Variants in REEP1 observed in about 807,000 individuals in gnomAD.
REEP1 encodes receptor accessory protein 1.
A neutral mutation model predicts 40.3 loss-of-function variants in REEP1; 22 were observed. The ratio of observed to expected loss-of-function variants is 0.55; its 90% confidence interval spans 0.39 to 0.78. REEP1 has a LOEUF of 0.78. REEP1 is among the 30% of genes least tolerant of loss of function. The pLI is 0.00. For missense variants in REEP1, 280 were observed against 361.1 expected, an observed-to-expected ratio of 0.78 and a Z score of 1.82; for synonymous variants, 116 against 139.2, an observed-to-expected ratio of 0.83 and a Z score of 1.17.
intron 5 of REEP1, among the ~76,000 whole-genome samples, chr2:86,235,522 A>G (rs1282129719): frequency 6.6e-6 from 1 of 152,208 alleles, no homozygotes; most frequent in Non-Finnish European, 1.5e-5. Context: ...ATTGAAAGCT[A>G]TTGAAAGCTG....
intron 1 of REEP1, among the ~76,000 whole-genome samples, chr2:86,310,297 ATAATAC>A (rs1267780943): frequency 6.6e-6 from 1 of 152,190 alleles, no homozygotes; most frequent in East Asian, 1.9e-4. Context: ...CCCCATAATT[ATAATAC>A]TGCATTTTTA....
rs4832036 is a variant in REEP1 at position 86,324,179 on chromosome 2, T to A, written c.32+13300A>T. ...TGTCTATTGCATTAATATTAAGAAC[T>A]TCTGATTATCAATGTAGACTATAAA... On this transcript the variant is annotated intron_variant, in intron 1 of 8. Transcript: ENST00000538924. Among the ~76,000 whole-genome samples, 4 of 151,846 alleles carry A rather than the reference T, an allele frequency of 2.6e-5. No homozygotes were observed. In the South Asian group the frequency reaches 8.3e-4, roughly 32 times the overall value.
At chr2:86,255,036 T>G (rs1676478975) in intron 3 of REEP1, 1 of 482,196 alleles carries the variant, frequency 2.1e-6, no homozygotes, top group African/African-American at 1.9e-5. Flanking sequence ...TGTTTTCTTT[T>G]GTTGCCAAAG....
chr2:86,302,815 T>C (rs1679311658), intron 1 of REEP1, among the ~76,000 whole-genome samples: 1 of 152,212 alleles, frequency 6.6e-6, no homozygotes, highest in Non-Finnish European at 1.5e-5. Context: ...AATGGAATTA[T>C]GAGTAATTTT....
intron 1 of REEP1, among the ~76,000 whole-genome samples, chr2:86,322,758 A>AT (rs917193909): frequency 4.4e-4 from 66 of 149,856 alleles, no homozygotes; most frequent in African/African-American, 1.5e-3. Flanking sequence ...CTGGCCCCCA[A>AT]TTTTTTTTTT....
intron 3 of REEP1, among the ~76,000 whole-genome samples, chr2:86,260,241 T>A (rs2104283453): frequency 6.6e-6 from 1 of 152,270 alleles, no homozygotes; most frequent in African/African-American, 2.4e-5. Context: ...GAAAGGTTCC[T>A]AAGGAGCCTC....
intron 2 of REEP1, among the ~76,000 whole-genome samples, chr2:86,266,536 G>A (rs57279476): frequency 0.068 from 10,194 of 150,662 alleles, 522 homozygotes; most frequent in African/African-American, 0.13. Context: ...GGAGAATGGC[G>A]TGAACCCGGG....
intron 1 of REEP1, among the ~76,000 whole-genome samples, chr2:86,298,690 T>C (rs1046073560): frequency 6.6e-6 from 1 of 152,202 alleles, no homozygotes; most frequent in Admixed American, 6.5e-5. Context: ...AGGATGTTAG[T>C]AAACACTCAA....
intron 6 of REEP1, among the ~76,000 whole-genome samples, chr2:86,230,417 G>A (rs907581942): frequency 6.6e-6 from 1 of 152,192 alleles, no homozygotes; most frequent in South Asian, 2.1e-4. Context: ...TCCTCCACTG[G>A]GCTCACCTCT....
chr2:86,333,266 T>C (rs938976310), intron 1 of REEP1, among the ~76,000 whole-genome samples: 9 of 152,228 alleles, frequency 5.9e-5, no homozygotes, highest in Non-Finnish European at 1.3e-4. Context: ...GGGGAACATC[T>C]TGAGGACAAT....
At chr2:86,277,222 C>T (rs761451044) in intron 2 of REEP1, among the ~76,000 whole-genome samples, 4 of 152,064 alleles carry the variant, frequency 2.6e-5, no homozygotes, top group African/African-American at 4.8e-5. Context: ...AGTCAAACAG[C>T]CTTGGGGGGG....
intron 2 of REEP1, among the ~76,000 whole-genome samples, chr2:86,274,897 T>C (rs1237352381): frequency 6.6e-6 from 1 of 152,122 alleles, no homozygotes; most frequent in East Asian, 1.9e-4. Context: ...GCCTGGAGAC[T>C]TTCCATGAGC....
chr2:86,242,679 A>C (rs920004553), intron 5 of REEP1, among the ~76,000 whole-genome samples: 1 of 152,190 alleles, frequency 6.6e-6, no homozygotes, highest in Non-Finnish European at 1.5e-5. Flanking sequence ...CTGTGAATGC[A>C]GTTATCACAA....
intron 1 of REEP1, among the ~76,000 whole-genome samples, chr2:86,284,499 C>G (rs1211206878): frequency 6.6e-6 from 1 of 152,160 alleles, no homozygotes; most frequent in African/African-American, 2.4e-5. Flanking sequence ...CGCTCGTGAC[C>G]TTGGGACTGA....
chr2:86,320,482 A>G lies in REEP1; in HGVS notation c.32+16997T>C, dbSNP rs1254150958. 2.6e-5 allele frequency among the ~76,000 whole-genome samples: 4 copies of G among 152,178 alleles called. No individual in the cohort carries two copies. The East Asian group carries it at 7.7e-4, about 29-fold the overall frequency. On this transcript the variant is annotated intron_variant, in intron 1 of 8. Coordinates refer to ENST00000538924, the MANE Select transcript of REEP1 (RefSeq NM_001371279.1). ...GTGAAAGAAAAGAAAAAATTACAAG[A>G]CACATAACGCACCTTGATTGGGAGC...
intron 1 of REEP1, among the ~76,000 whole-genome samples, chr2:86,327,837 G>C (rs759919895): frequency 6.6e-6 from 1 of 152,098 alleles, no homozygotes; most frequent in Non-Finnish European, 1.5e-5. Flanking sequence ...AAAGTGCTGG[G>C]ATTACAGGCA....
chr2:86,322,655 T>A (rs1424753334), intron 1 of REEP1, among the ~76,000 whole-genome samples: 1 of 152,234 alleles, frequency 6.6e-6, no homozygotes, highest in East Asian at 1.9e-4. Flanking sequence ...GTTTTCAGCA[T>A]GTTGTCCAGG....
chr2:86,242,715 G>A (rs1675728632), intron 5 of REEP1, among the ~76,000 whole-genome samples: 1 of 152,182 alleles, frequency 6.6e-6, no homozygotes, highest in African/African-American at 2.4e-5. Context: ...GGAGAGACAA[G>A]ACTGAAAGGC....
At chr2:86,308,809 A>G (rs1679622662) in intron 1 of REEP1, among the ~76,000 whole-genome samples, 1 of 152,204 alleles carries the variant, frequency 6.6e-6, no homozygotes, top group Non-Finnish European at 1.5e-5. Context: ...ATGGACTCAA[A>G]CTGGCATAAG....
Sources: allele counts gnomAD v4.1 joint callset (sites outside exome capture counted in the v4.1 genomes callset), GRCh38; gene constraint gnomAD v4.1.1; transcripts MANE v1.5; gene names NCBI Gene and HGNC (gene_info 2026-07-23, HGNC 2026-07-21).